PTPN9: variants seen among roughly 807,000 people sequenced by gnomAD.
PTPN9 encodes the protein tyrosine-protein phosphatase non-receptor type 9.
In PTPN9, 26 loss-of-function variants were observed where a neutral mutation model predicts 69.8. The observed-to-expected ratio is 0.37, with a 90% confidence interval of 0.27 to 0.52. The LOEUF (loss-of-function observed/expected upper bound fraction) is 0.52, where lower values mean the gene tolerates loss of function less well. PTPN9 is among the 20% of genes least tolerant of loss of function. The probability of loss-of-function intolerance (pLI) is 0.91; values close to 1 mark genes in which losing one functional copy is unlikely to be tolerated. For synonymous variants in PTPN9, 274 were observed against 272.5 expected, an observed-to-expected ratio of 1.01 and a Z score of -0.05; for missense variants, 549 against 740.3, an observed-to-expected ratio of 0.74 and a Z score of 3.00.
At chr15:75,517,116 A>G in intron 5 of PTPN9, 143 bp downstream of exon 5, 2 of 567,456 alleles carry the variant, frequency 3.5e-6, no homozygotes. Context: ...GGAAGCAGAG[A>G]GTAGTCATCA....
chr15:75,556,088 ATT>A (rs1186378563), intron 1 of PTPN9, among the ~76,000 whole-genome samples: 1 of 145,352 alleles, frequency 6.9e-6, no homozygotes, highest in East Asian at 2.0e-4. Flanking sequence ...TAGATCAACA[ATT>A]TTTTTTTTCT....
At chr15:75,534,098 G>C (rs1196409644) in intron 1 of PTPN9, among the ~76,000 whole-genome samples, 1 of 152,174 alleles carries the variant, frequency 6.6e-6, no homozygotes, top group Non-Finnish European at 1.5e-5. Flanking sequence ...ATTCACTACT[G>C]TGTGTTATTT....
intron 1 of PTPN9, 21 bp downstream of exon 1, chr15:75,578,693 G>A (rs1267083906): frequency 6.6e-6 from 9 of 1,367,172 alleles, no homozygotes; most frequent in Non-Finnish European, 9.5e-7. Flanking sequence ...CACCCAACGC[G>A]GCGGCCTCGG....
chr15:75,468,251 C>T lies in PTPN9; in HGVS notation c.*518G>A, dbSNP rs1266065893. On this transcript the variant is annotated 3_prime_UTR_variant, in exon 13 of 13. Transcript: ENST00000618819. ...ACCCATACACATAAGTGCACACACA[C>T]ACACACACAGAATGACAGAAAGGAC... The T allele has an allele frequency of 6.1e-6, 1 of 163,228 alleles. No individual in the cohort carries two copies. The highest frequency in any genetic ancestry group is 1.4e-5 in the Non-Finnish European group (1 of 73,472). The allele number at this position is 163,228 out of a possible 1,614,324, so 10.1% of individuals were successfully genotyped here.
Position 75,564,576 on chromosome 15 carries a change from C to A in PTPN9, c.63+14138G>T, listed in dbSNP as rs1332273275. On this transcript the variant is annotated intron_variant, in intron 1 of 12. Transcript: ENST00000618819. ...GCGCCACTGACTCCAGCCTGGCCGA[C>A]AGAGTGAGACTACGTCTCAAAAAAA... 2.8e-5 allele frequency among the ~76,000 whole-genome samples: 4 copies of A among 144,242 alleles called. No homozygotes were observed. In the East Asian group the frequency reaches 8.2e-4, roughly 30 times the overall value. The allele number at this position is 144,242 out of a possible 152,430, so 94.6% of individuals were successfully genotyped here.
Position 75,502,326 on chromosome 15 carries a change from A to G in PTPN9, c.968+3349T>C, listed in dbSNP as rs537398783. Among the ~76,000 whole-genome samples the G allele has an allele frequency of 2.6e-5, 4 of 152,174 alleles. No homozygotes were observed. In the South Asian group the frequency reaches 8.3e-4, roughly 32 times the overall value. On this transcript the variant is annotated intron_variant, in intron 7 of 12. Coordinates refer to ENST00000618819, the MANE Select transcript of PTPN9 (RefSeq NM_002833.4). ...GCCAGGCATGGTGGTGCGCGCCTAT[A>G]ATTCCAGCTACTTGGGAGGGTGAGG...
At chr15:75,505,482 G>GA (rs896104350) in intron 7 of PTPN9, among the ~76,000 whole-genome samples, 193 bp downstream of exon 7, 24 of 141,192 alleles carry the variant, frequency 1.7e-4, no homozygotes, top group Admixed American at 3.6e-4. Context: ...AAAAAAAAAA[G>GA]AAAAAAAAAA....
intron 9 of PTPN9, among the ~76,000 whole-genome samples, chr15:75,479,037 G>A (rs1490360427): frequency 6.6e-6 from 1 of 152,168 alleles, no homozygotes; most frequent in East Asian, 1.9e-4. Context: ...GGCTGGGCAT[G>A]GTGGCTCACG....
chr15:75,491,402 CAAAAAAAA>C (rs11414287), intron 7 of PTPN9, among the ~76,000 whole-genome samples: 2 of 132,242 alleles, frequency 1.5e-5, no homozygotes, highest in African/African-American at 5.5e-5. Flanking sequence ...GACTTTATCT[CAAAAAAAA>C]AAAAAAATAA....
intron 6 of PTPN9, among the ~76,000 whole-genome samples, chr15:75,507,062 T>C (rs2074823235): frequency 6.6e-6 from 1 of 152,206 alleles, no homozygotes; most frequent in Non-Finnish European, 1.5e-5. Flanking sequence ...AAGTGCTTAA[T>C]ATATTTTGAG....
chr15:75,491,565 T>C (rs968066436), intron 7 of PTPN9, among the ~76,000 whole-genome samples: 2 of 152,066 alleles, frequency 1.3e-5, no homozygotes, highest in African/African-American at 2.4e-5. Flanking sequence ...ACAGAGCTGA[T>C]AGAATTTGGA....
intron 1 of PTPN9, among the ~76,000 whole-genome samples, chr15:75,529,329 T>C (rs1467280452): frequency 2.0e-5 from 3 of 152,166 alleles, no homozygotes; most frequent in Non-Finnish European, 4.4e-5. Context: ...AAAAGCTTCA[T>C]GCATGGCTAT....
chr15:75,505,061 C>T (rs931796535), intron 7 of PTPN9, among the ~76,000 whole-genome samples: 13 of 152,158 alleles, frequency 8.5e-5, no homozygotes, highest in African/African-American at 2.9e-4. Context: ...GGATGGTTGC[C>T]GTGTCTGTGT....
chr15:75,503,563 CCCGGCCAGCCGCTCCGT>C (rs2074788603), intron 7 of PTPN9, among the ~76,000 whole-genome samples: 1 of 98,424 alleles, frequency 1.0e-5, no homozygotes, highest in East Asian at 2.9e-4. Flanking sequence ...CAGCCCCCCG[CCCGGCCAGCCGCTCCGT>C]CCGGGAGGGA....
chr15:75,505,502 A>G (rs1177268628), intron 7 of PTPN9, among the ~76,000 whole-genome samples, 173 bp downstream of exon 7: 2 of 152,066 alleles, frequency 1.3e-5, no homozygotes, highest in African/African-American at 4.8e-5. Context: ...AAGAAGCACC[A>G]AAGCAGAAAG....
intron 1 of PTPN9, among the ~76,000 whole-genome samples, chr15:75,572,744 C>T (rs2075154385): frequency 6.6e-6 from 1 of 152,050 alleles, no homozygotes; most frequent in Admixed American, 6.6e-5. Context: ...AAAAGAAAGG[C>T]TTTCACAAGC....
At chr15:75,575,418 T>C (rs2075167693) in intron 1 of PTPN9, among the ~76,000 whole-genome samples, 1 of 152,160 alleles carries the variant, frequency 6.6e-6, no homozygotes, top group Non-Finnish European at 1.5e-5. Context: ...GAAATCAAAC[T>C]GACTCTCAAA....
rs774808504 is a variant in PTPN9, at chr15:75,490,296, G to A, written c.974C>T (p.Pro325Leu). The A allele has an allele frequency of 2.5e-6, 4 of 1,606,570 alleles. No homozygotes were observed. Among genetic ancestry groups the A allele is most frequent in the Non-Finnish European group, 2.6e-6 (3 of 1,173,236 alleles). The change falls in exon 8 of 13, where the codon CCA (proline) becomes CTA (leucine). Residue 325 changes from proline to leucine, a missense_variant. Physicochemically the swap from Pro to Leu is moderately conservative, Grantham distance 98. Coordinates refer to ENST00000618819, the MANE Select transcript of PTPN9 (RefSeq NM_002833.4). ...ATAACGGTTTTTCTCTAGGTTTCCT[G>A]GAGACCTGAAGGAAACGAAACAAAC... ...PVGTFHCSMS[P>L]GNLEKNRYGD... is the part of the protein sequence containing the mutation.
intron 1 of PTPN9, among the ~76,000 whole-genome samples, chr15:75,558,941 C>T (rs1275104868): frequency 6.6e-6 from 1 of 152,160 alleles, no homozygotes; most frequent in East Asian, 1.9e-4. Context: ...AGCCTCTGCC[C>T]GGCTGCCACC....
Sources: gnomAD v4.1 joint callset for allele counts (sites outside exome capture counted in the v4.1 genomes callset) on GRCh38, gnomAD v4.1.1 for gene constraint, MANE v1.5 for transcripts, NCBI Gene and HGNC (gene_info 2026-07-23, HGNC 2026-07-21) for gene names.